ZNF100: variants seen among roughly 807,000 people sequenced by gnomAD.
ZNF100 encodes zinc finger protein 100.
A neutral mutation model predicts 15.8 loss-of-function variants in ZNF100; 12 were observed. That is an observed-to-expected ratio of 0.76 (90% CI 0.49 to 1.23). ZNF100 has a LOEUF of 1.23. ZNF100 is among the 50% of genes most tolerant of loss of function. The pLI is 0.00. For missense variants in ZNF100, 670 were observed against 635.6 expected, an observed-to-expected ratio of 1.05 and a Z score of -0.58; for synonymous variants, 226 against 214.8, an observed-to-expected ratio of 1.05 and a Z score of -0.45.
Position 21,727,825 on chromosome 19 carries a change from T to C in ZNF100, c.487A>G (p.Asn163Asp). ...DECKVHKEHD[N>D]KLNQCLITTQ... is the part of the protein sequence containing the mutation. ...GTTATCAAACACTGGTTTAATTTGT[T>C]ATCATGTTCTTTGTGCACTTTACAC... Residue 163 changes from asparagine (N) to aspartate (D), a missense_variant, in exon 5 of 5, where the codon AAC (asparagine) becomes GAC (aspartate). Coordinates refer to ENST00000358296, the MANE Select transcript of ZNF100 (RefSeq NM_173531.4). 6.2e-7 allele frequency: 1 copy of C among 1,613,340 alleles called. No homozygotes were observed. The highest frequency in any genetic ancestry group is 8.5e-7 in the Non-Finnish European group (1 of 1,179,718).
chr19:21,743,916 C>T (rs2036165715), intron 4 of ZNF100, 101 bp downstream of exon 4: 3 of 1,122,608 alleles, frequency 2.7e-6, no homozygotes, highest in South Asian at 1.9e-5. Flanking sequence ...GAAACTATTT[C>T]CTTTGGAACA....
In ZNF100 at chr19:21,744,002, TTCACTC is replaced by T; in HGVS notation, c.322+9_322+14del. ...CCTCACATCTGTGTCATCTGTTGTG[TTCACTC>T]TCACCTACCTGGGGGTTTGGCTACC... On this transcript the variant is annotated intron_variant, in intron 4 of 4. Coordinates refer to ENST00000358296, the MANE Select transcript of ZNF100 (RefSeq NM_173531.4). 1 of 1,595,970 alleles carries T rather than the reference TTCACTC, an allele frequency of 6.3e-7. No homozygotes were observed. The highest frequency in any genetic ancestry group is 1.1e-5 in the South Asian group (1 of 90,006).
At chr19:21,749,581 T>C (rs776287501) in intron 2 of ZNF100, among the ~76,000 whole-genome samples, 1 of 152,234 alleles carries the variant, frequency 6.6e-6, no homozygotes, top group Non-Finnish European at 1.5e-5. Context: ...AGGACAAGAA[T>C]ACTCTACTCC....
intron 4 of ZNF100, among the ~76,000 whole-genome samples, chr19:21,729,418 C>T (rs1406892633): frequency 7.2e-6 from 1 of 139,616 alleles, no homozygotes; most frequent in Non-Finnish European, 1.5e-5. Context: ...AATAAAAATA[C>T]ATTACTTTCG....
In ZNF100 at chr19:21,744,972, C is replaced by T. The variant is rs376068938; in HGVS notation, c.192G>A (p.Met64Ile). ...SAQQGLYRKV[M>I]LENYRNLVFL... Reference sequence around the variant, plus strand: ...AGACCAGGTTTCTGTAGTTCTCTAACATCACTTTCCTATACAAACCCTGCT... The same window carrying T: ...AGACCAGGTTTCTGTAGTTCTCTAATATCACTTTCCTATACAAACCCTGCT... The change falls in exon 3 of 5, where the codon ATG becomes ATA. Residue 64 changes from methionine (M) to isoleucine (I), a missense_variant. Coordinates refer to ENST00000358296, the MANE Select transcript of ZNF100 (RefSeq NM_173531.4). 2 of 1,610,518 alleles carry T rather than the reference C, an allele frequency of 1.2e-6. No homozygotes were observed. Among genetic ancestry groups the T allele is most frequent in the Admixed American group, 1.7e-5 (1 of 58,628 alleles).
Position 21,726,446 on chromosome 19 carries a change from T to C in ZNF100, c.*237A>G. On this transcript the variant is annotated 3_prime_UTR_variant, in exon 5 of 5. Transcript: ENST00000358296. ...AACTTTATCACATTCTTCACATTTCTAGGATTTCTCAACACTATGATTTAT... is the reference window on the plus strand; with the variant it reads ...AACTTTATCACATTCTTCACATTTCCAGGATTTCTCAACACTATGATTTAT... The C allele has an allele frequency of 4.2e-6, 2 of 473,002 alleles. No individual in the cohort carries two copies. The highest frequency in any genetic ancestry group is 5.2e-4 in the Middle Eastern group (1 of 1,920). The allele number at this position is 473,002 out of a possible 1,614,324, so 29.3% of individuals were successfully genotyped here.
At position 21,727,161 on chromosome 19, in the gene ZNF100, C is replaced by A; in HGVS notation, c.1151G>T (p.Arg384Leu). 2.5e-6 allele frequency: 4 copies of A among 1,607,932 alleles called. No individual in the cohort carries two copies. Among genetic ancestry groups the A allele is most frequent in the South Asian group, 2.2e-5 (2 of 90,898 alleles). Reference protein sequence around the residue: ...KCEECGKAFYRFSYLTKHKTS... With the variant: ...KCEECGKAFYLFSYLTKHKTS... ...CTTATGTTTAGTAAGGTATGAGAAT[C>A]GGTAAAAAGCTTTGCCACATTCTTC... The change falls in exon 5 of 5, where the codon CGA becomes CTA. Residue 384 changes from arginine (R) to leucine (L), a missense_variant. Physicochemically the swap from Arg to Leu is moderately radical, Grantham distance 102 (BLOSUM62 -2). Transcript: ENST00000358296.
intron 2 of ZNF100, among the ~76,000 whole-genome samples, chr19:21,753,989 G>A (rs1369128549): frequency 6.6e-6 from 1 of 152,194 alleles, no homozygotes; most frequent in African/African-American, 2.4e-5. Flanking sequence ...TTAGGAGACT[G>A]ATAATGCCAT....
chr19:21,763,407 TGGTGAAAC>T (rs2036511907), intron 2 of ZNF100, among the ~76,000 whole-genome samples: 1 of 152,094 alleles, frequency 6.6e-6, no homozygotes, highest in Non-Finnish European at 1.5e-5. Flanking sequence ...CTGGCTAACA[TGGTGAAAC>T]CCCGTCTCTA....
chr19:21,743,463 C>T (rs754631617), intron 4 of ZNF100, among the ~76,000 whole-genome samples: 5 of 151,876 alleles, frequency 3.3e-5, no homozygotes, highest in Non-Finnish European at 5.9e-5. Context: ...TTCAAATAGC[C>T]AAAGCAATCT....
rs58942514 is a variant in ZNF100, at chr19:21,730,445, A to AGTGTGTGTGTGT, written c.323-2468_323-2457dup. On this transcript the variant is annotated intron_variant, in intron 4 of 4. Transcript: ENST00000358296. ...AATAGATTCATTTACTGATAACCTA[A>AGTGTGTGTGTGT]GTGTGTGTGTGTGTGTGTGTGTGTG... Among the ~76,000 whole-genome samples the AGTGTGTGTGTGT allele has an allele frequency of 1.8e-3, 272 of 147,708 alleles. 1 individual carries two copies. Among genetic ancestry groups the AGTGTGTGTGTGT allele is most frequent in the East Asian group, 5.0e-3 (25 of 4,976 alleles).
chr19:21,744,985 T>C lies in ZNF100; in HGVS notation c.179A>G (p.Tyr60Cys), dbSNP rs778568268. 5.6e-6 allele frequency: 9 copies of C among 1,611,880 alleles called. No homozygotes were observed. The highest frequency in any genetic ancestry group is 4.5e-5 in the East Asian group (2 of 44,858). ...GTAGTTCTCTAACATCACTTTCCTATACAAACCCTGCTGAGCACTGTCCAG... is the reference window on the plus strand; with the variant it reads ...GTAGTTCTCTAACATCACTTTCCTACACAAACCCTGCTGAGCACTGTCCAG... ...QCLDSAQQGLYRKVMLENYRN... is the reference protein window; with the variant it reads ...QCLDSAQQGLCRKVMLENYRN... The change falls in exon 3 of 5, where the codon TAT becomes TGT. Residue 60 changes from tyrosine to cysteine, a missense_variant. By Grantham distance (194) the Tyr-to-Cys change is radical. Coordinates refer to ENST00000358296, the MANE Select transcript of ZNF100 (RefSeq NM_173531.4).
At chr19:21,749,983 A>T (rs1241625152) in intron 2 of ZNF100, among the ~76,000 whole-genome samples, 1 of 151,610 alleles carries the variant, frequency 6.6e-6, no homozygotes, top group Non-Finnish European at 1.5e-5. Context: ...AACAGACTAC[A>T]ATCAAAGGAG....
chr19:21,742,924 C>A (rs2036143097), intron 4 of ZNF100, among the ~76,000 whole-genome samples: 1 of 151,960 alleles, frequency 6.6e-6, no homozygotes, highest in South Asian at 2.1e-4. Context: ...TAAAAAAAAT[C>A]TTTACAATAA....
At chr19:21,736,686 A>G (rs1013431168) in intron 4 of ZNF100, among the ~76,000 whole-genome samples, 4 of 152,236 alleles carry the variant, frequency 2.6e-5, no homozygotes, top group African/African-American at 7.2e-5. Flanking sequence ...AACCAAAATC[A>G]TAACAGTTTC....
chr19:21,732,338 A>C (rs778779332), intron 4 of ZNF100, among the ~76,000 whole-genome samples: 10 of 152,232 alleles, frequency 6.6e-5, no homozygotes, highest in Non-Finnish European at 5.9e-5. Context: ...GAGAATTTTT[A>C]TAACTGGTCA....
chr19:21,765,168 T>A (rs1374411806), intron 2 of ZNF100, among the ~76,000 whole-genome samples: 1 of 152,204 alleles, frequency 6.6e-6, no homozygotes, highest in Non-Finnish European at 1.5e-5. Flanking sequence ...TTTCTACCTT[T>A]CAAGCCCTAC....
chr19:21,756,912 TAG>T (rs1354574839), intron 2 of ZNF100, among the ~76,000 whole-genome samples: 2 of 152,042 alleles, frequency 1.3e-5, no homozygotes, highest in Non-Finnish European at 2.9e-5. Context: ...TGCAACACAA[TAG>T]AGAGGCCAGA....
At chr19:21,762,451 G>A (rs2036497305) in intron 2 of ZNF100, among the ~76,000 whole-genome samples, 3 of 152,148 alleles carry the variant, frequency 2.0e-5, no homozygotes, top group Admixed American at 6.5e-5. Context: ...GTGTAGAAAT[G>A]CAGAATAAAC....
Sources: gnomAD v4.1 joint callset for allele counts (sites outside exome capture counted in the v4.1 genomes callset) on GRCh38, gnomAD v4.1.1 for gene constraint, MANE v1.5 for transcripts, NCBI Gene and HGNC (gene_info 2026-07-23, HGNC 2026-07-21) for gene names.